Variants in NAV2 observed in about 807,000 individuals in gnomAD.
NAV2 encodes helicase, APC down-regulated 1.
In NAV2, 54 loss-of-function variants were observed where a neutral mutation model predicts 223.2. The observed-to-expected ratio is 0.24, with a 90% confidence interval of 0.19 to 0.30. NAV2 has a LOEUF of 0.30. Ranked by LOEUF, NAV2 falls within the 10% of genes least tolerant of loss-of-function variation. The probability of loss-of-function intolerance (pLI) is 1.00; values close to 1 mark genes in which losing one functional copy is unlikely to be tolerated. For missense variants in NAV2, 2,806 were observed against 3,147.5 expected, an observed-to-expected ratio of 0.89 and a Z score of 2.60; for synonymous variants, 1,279 against 1,239.3, an observed-to-expected ratio of 1.03 and a Z score of -0.67.
chr11:19,368,907 C>T (rs1236990280), intron 1 of NAV2, among the ~76,000 whole-genome samples: 7 of 152,172 alleles, frequency 4.6e-5, no homozygotes, highest in Non-Finnish European at 8.8e-5. Flanking sequence ...CGTTCAAGTC[C>T]ATTTAGCTCC....
chr11:19,596,389 G>T (rs191033323), intron 1 of NAV2, among the ~76,000 whole-genome samples: 2 of 152,168 alleles, frequency 1.3e-5, no homozygotes, highest in Non-Finnish European at 2.9e-5. Context: ...TCAATTCACC[G>T]GCTCCCCAGA....
In NAV2 at chr11:19,859,759, C is replaced by T. The variant is rs564337843; in HGVS notation, c.439-9166C>T. 9.0e-3 allele frequency among the ~76,000 whole-genome samples: 1,347 copies of T among 150,168 alleles called. 13 individuals are homozygous for T. Among genetic ancestry groups the T allele is most frequent in the Middle Eastern group, 0.021 (6 of 280 alleles). ...TCACCTCCCGGACCGGGCGGCTGGC[C>T]GGGTGGGGGGCTGACCCCCCCACCT... On this transcript the variant is annotated intron_variant, in intron 3 of 37. Coordinates refer to ENST00000349880, the MANE Select transcript of NAV2 (RefSeq NM_145117.5).
intron 1 of NAV2, among the ~76,000 whole-genome samples, chr11:19,736,882 G>A (rs1249771367): frequency 2.0e-5 from 3 of 152,214 alleles, no homozygotes; most frequent in Non-Finnish European, 4.4e-5. Context: ...AGGTTATGCA[G>A]GACACCTGGC....
In NAV2 at chr11:19,580,123, A is replaced by G. The variant is rs113670550; in HGVS notation, c.75+229096A>G. 2.5e-3 allele frequency among the ~76,000 whole-genome samples: 378 copies of G among 152,174 alleles called. 1 individual carries two copies. The highest frequency in any genetic ancestry group is 8.8e-3 in the African/African-American group (364 of 41,522). ...CACTCTGACTGGTGCTGTTGACCCA[A>G]CCGGGGGGTGGGGCTTCCAGGGCTC... On this transcript the variant is annotated intron_variant, in intron 1 of 37. Transcript: ENST00000360655.
chr11:19,907,133 T>C (rs541259716), intron 6 of NAV2, among the ~76,000 whole-genome samples: 2 of 152,180 alleles, frequency 1.3e-5, no homozygotes, highest in East Asian at 3.9e-4. Context: ...AAAAATACCC[T>C]AAATTGTGTA....
chr11:19,986,062 T>A (rs2403550), intron 11 of NAV2, among the ~76,000 whole-genome samples: 2 of 151,942 alleles, frequency 1.3e-5, no homozygotes. Flanking sequence ...TAAAATACAG[T>A]CCTTACAAGA....
intron 1 of NAV2, among the ~76,000 whole-genome samples, chr11:19,562,187 C>G (rs2045123200): frequency 6.6e-6 from 1 of 152,224 alleles, no homozygotes; most frequent in Non-Finnish European, 1.5e-5. Context: ...TTACAGAACT[C>G]TGACTGTGCC....
chr11:19,453,017 C>G (rs910267260), intron 1 of NAV2, among the ~76,000 whole-genome samples: 2 of 152,154 alleles, frequency 1.3e-5, no homozygotes, highest in Non-Finnish European at 2.9e-5. Flanking sequence ...TTAAGTAATT[C>G]CATCAAGATC....
upstream of NAV2, among the ~76,000 whole-genome samples, chr11:19,346,495 C>G (rs1853014693): frequency 1.3e-5 from 2 of 152,234 alleles, no homozygotes; most frequent in South Asian, 4.1e-4. Context: ...CGGTGCCTCC[C>G]GGGTGTGCGC....
intron 1 of NAV2, among the ~76,000 whole-genome samples, chr11:19,598,378 G>A (rs1257237895): frequency 6.6e-6 from 1 of 152,224 alleles, no homozygotes; most frequent in Non-Finnish European, 1.5e-5. Flanking sequence ...TTTGAAGTAA[G>A]GTAGTTTCCT....
intron 6 of NAV2, among the ~76,000 whole-genome samples, chr11:19,921,475 A>G (rs183901113): frequency 2.2e-4 from 34 of 152,362 alleles, no homozygotes; most frequent in Non-Finnish European, 4.6e-4. Context: ...TCCTATTTTT[A>G]AAAAGAACCT....
chr11:20,000,248 G>T (rs2052409007), intron 11 of NAV2, among the ~76,000 whole-genome samples: 1 of 152,224 alleles, frequency 6.6e-6, no homozygotes, highest in African/African-American at 2.4e-5. Context: ...CATCAGAGGT[G>T]CAAACCTGTT....
chr11:19,408,867 C>T (rs1235149736), intron 1 of NAV2, among the ~76,000 whole-genome samples: 4 of 151,916 alleles, frequency 2.6e-5, no homozygotes, highest in African/African-American at 9.7e-5. Context: ...CCCTCCTGCC[C>T]CCGAGAACTC....
chr11:19,999,189 C>T (rs924188684), intron 11 of NAV2, among the ~76,000 whole-genome samples: 1 of 152,232 alleles, frequency 6.6e-6, no homozygotes, highest in Non-Finnish European at 1.5e-5. Context: ...CCACTCATGC[C>T]TGGCATAAAT....
At chr11:19,591,690 T>C (rs1475730770) in intron 1 of NAV2, among the ~76,000 whole-genome samples, 1 of 152,292 alleles carries the variant, frequency 6.6e-6, no homozygotes, top group Admixed American at 6.5e-5. Context: ...AGAACAACCA[T>C]TGTGGGACCC....
intron 3 of NAV2, among the ~76,000 whole-genome samples, chr11:19,860,170 C>T (rs1257565350): frequency 1.1e-4 from 16 of 144,078 alleles, no homozygotes; most frequent in African/African-American, 2.4e-4. Context: ...AGGCGGGGGG[C>T]TGACCCCCCA....
intron 1 of NAV2, among the ~76,000 whole-genome samples, chr11:19,784,213 A>G (rs2056944854): frequency 6.6e-6 from 1 of 151,624 alleles, no homozygotes; most frequent in South Asian, 2.1e-4. Context: ...ACATGGAGAA[A>G]CCTCGTCTCT....
chr11:19,859,895 G>A lies in NAV2; in HGVS notation c.439-9030G>A, dbSNP rs1220915358. Among the ~76,000 whole-genome samples the A allele has an allele frequency of 5.6e-4, 76 of 135,904 alleles. 1 individual carries two copies. The South Asian group carries it at 9.6e-3, about 17-fold the overall frequency. The allele number at this position is 135,904 out of a possible 152,430, so 89.2% of individuals were successfully genotyped here. A position where few individuals can be genotyped will look rare whatever the true frequency, so the allele number is the denominator to read the frequency against. ...TGACCCCCCCACCTCCCTCCCGGAC[G>A]GGGCGGCTGGCCGGGCAGAGGGGCT... On this transcript the variant is annotated intron_variant, in intron 3 of 37. Transcript: ENST00000349880.
intron 1 of NAV2, among the ~76,000 whole-genome samples, chr11:19,566,366 C>T (rs2045269665): frequency 6.6e-6 from 1 of 152,184 alleles, no homozygotes; most frequent in Non-Finnish European, 1.5e-5. Context: ...GCATGAGCCA[C>T]CACTCCCAGC....
Sources: allele counts gnomAD v4.1 joint callset (sites outside exome capture counted in the v4.1 genomes callset), GRCh38; gene constraint gnomAD v4.1.1; transcripts MANE v1.5; gene names NCBI Gene and HGNC (gene_info 2026-07-23, HGNC 2026-07-21).